The following IGFL3 variants were observed in gnomAD, a reference collection of about 807,000 sequenced individuals.
The protein encoded by IGFL3 is IGF like family member 3.
IGFL3 carries 12 observed loss-of-function variants against 17.0 expected under a neutral mutation model. That is an observed-to-expected ratio of 0.71 (90% CI 0.45 to 1.14). The LOEUF (loss-of-function observed/expected upper bound fraction) is 1.14, where lower values mean the gene tolerates loss of function less well. IGFL3 is among the 50% of genes most tolerant of loss of function. The pLI is 0.00. For missense variants in IGFL3, 153 were observed against 151.6 expected (o/e 1.01, Z -0.05); for synonymous variants, 52 against 57.4 (o/e 0.91, Z 0.42).
intron 3 of IGFL3, among the ~76,000 whole-genome samples, chr19:46,120,979 A>G (rs1485591335): frequency 6.6e-6 from 1 of 150,826 alleles, no homozygotes; most frequent in Non-Finnish European, 1.5e-5. Context: ...AAGAAGCCTT[A>G]GGTTTATTTT....
Position 46,124,037 on chromosome 19 carries a change from G to T in IGFL3, c.199C>A (p.Arg67Ser). The change falls in exon 3 of 4, where the codon CGC (arginine) becomes AGC (serine). Residue 67 changes from arginine (R) to serine (S), a missense_variant. Physicochemically the swap from Arg to Ser is moderately radical, Grantham distance 110. Coordinates refer to ENST00000341415, the MANE Select transcript of IGFL3 (RefSeq NM_207393.2). ...AAGGTGCAGGTGGAGCCACAGCGGCGGGTCTCCTTTAAGGATAAGATGGCA... is the reference window on the plus strand; with the variant it reads ...AAGGTGCAGGTGGAGCCACAGCGGCTGGTCTCCTTTAAGGATAAGATGGCA... ...DDAILSLKET[R>S]RCGSTCTFWP... The T allele has an allele frequency of 6.2e-7, 1 of 1,611,488 alleles. No homozygotes were observed. Among genetic ancestry groups the T allele is most frequent in the South Asian group, 1.1e-5 (1 of 90,888 alleles).
At chr19:46,124,509 G>A (rs1971982317) in intron 1 of IGFL3, 116 bp downstream of exon 1, 4 of 1,196,796 alleles carry the variant, frequency 3.3e-6, no homozygotes, top group African/African-American at 1.5e-5. Flanking sequence ...GAGGTGACTA[G>A]TAGGGCACAG....
intron 1 of IGFL3, 54 bp from the exon 2 acceptor site, chr19:46,124,375 G>GA (rs1457306182): frequency 1.9e-5 from 29 of 1,538,314 alleles, no homozygotes; most frequent in Non-Finnish European, 2.5e-5. Flanking sequence ...GACAAGTATG[G>GA]AAAAAACAAA....
chr19:46,120,665 A>G (rs1039728932), intron 3 of IGFL3, among the ~76,000 whole-genome samples: 1 of 151,108 alleles, frequency 6.6e-6, no homozygotes, highest in Non-Finnish European at 1.5e-5. Flanking sequence ...ACCAATACAG[A>G]GATATCAGAA....
chr19:46,123,634 T>A (rs1381522254), intron 3 of IGFL3, among the ~76,000 whole-genome samples: 1 of 150,994 alleles, frequency 6.6e-6, no homozygotes, highest in East Asian at 2.0e-4. Context: ...TGCATTTTTC[T>A]ACCAGCTGAG....
chr19:46,120,440 A>G (rs1971696508), intron 3 of IGFL3, 83 bp from the exon 4 acceptor site: 2 of 1,586,786 alleles, frequency 1.3e-6, no homozygotes, highest in Non-Finnish European at 1.7e-6. Flanking sequence ...AATTTTAACA[A>G]ACTTGACTTT....
At chr19:46,121,245 A>G (rs2146711583) in intron 3 of IGFL3, among the ~76,000 whole-genome samples, 1 of 148,756 alleles carries the variant, frequency 6.7e-6, no homozygotes, top group Middle Eastern at 3.5e-3. Flanking sequence ...AAAGTTAGCC[A>G]GATGTGGTGG....
At chr19:46,121,553 G>A (rs1971770045) in intron 3 of IGFL3, among the ~76,000 whole-genome samples, 1 of 150,316 alleles carries the variant, frequency 6.7e-6, no homozygotes. Context: ...GAAAAATTGA[G>A]GAATTATGAG....
At chr19:46,121,067 A>G (rs1227974408) in intron 3 of IGFL3, among the ~76,000 whole-genome samples, 2 of 150,448 alleles carry the variant, frequency 1.3e-5, no homozygotes, top group Admixed American at 1.3e-4. Context: ...GAACATGTAC[A>G]TTTTTCAGCG....
intron 3 of IGFL3, among the ~76,000 whole-genome samples, chr19:46,122,148 A>G (rs866197611): frequency 2.6e-5 from 4 of 150,986 alleles, no homozygotes; most frequent in South Asian, 2.1e-4. Flanking sequence ...GAAGCCCTCA[A>G]AATAAAAAGT....
Position 46,120,195 on chromosome 19 carries a change from T to A in IGFL3, c.*135A>T. The A allele has an allele frequency of 7.7e-7, 1 of 1,302,350 alleles. No homozygotes were observed. Among genetic ancestry groups the A allele is most frequent in the Non-Finnish European group, 1.0e-6 (1 of 964,666 alleles). The allele number at this position is 1,302,350 out of a possible 1,614,324, so 80.7% of individuals were successfully genotyped here. ...GTCTGGCCATCCCCAGCTGGGCTCC[T>A]CTCCAAAGCTATGTCATTGAGCCAT... On this transcript the variant is annotated 3_prime_UTR_variant, in exon 4 of 4. Coordinates refer to ENST00000341415, the MANE Select transcript of IGFL3 (RefSeq NM_207393.2).
intron 3 of IGFL3, among the ~76,000 whole-genome samples, chr19:46,121,932 C>T (rs1194722649): frequency 1.3e-5 from 2 of 150,880 alleles, no homozygotes; most frequent in African/African-American, 4.9e-5. Context: ...TTTAACTTGG[C>T]TTTTACTGCA....
In IGFL3 at chr19:46,120,252, T is replaced by G; in HGVS notation, c.*78A>C. On this transcript the variant is annotated 3_prime_UTR_variant, in exon 4 of 4. Transcript: ENST00000341415. ...GAAGTCAAGTTGCTTCTCTCCGAAG[T>G]TCAACTGTAGTCTCCGATGTCCAGC... 6.3e-7 allele frequency: 1 copy of G among 1,598,088 alleles called. No individual in the cohort carries two copies.
At position 46,122,762 on chromosome 19, in the gene IGFL3, A is replaced by C. The variant is rs1233155025; in HGVS notation, c.350+1124T>G. 1.3e-5 allele frequency among the ~76,000 whole-genome samples: 2 copies of C among 150,948 alleles called. 1 individual carries two copies. Among genetic ancestry groups the C allele is most frequent in the African/African-American group, 4.9e-5 (2 of 40,632 alleles). On this transcript the variant is annotated intron_variant, in intron 3 of 3. Transcript: ENST00000341415. Reference sequence around the variant, plus strand: ...TTACATTACACGTATTACCTCTTAAAACCCCCAACAGAATAAAGTCTTAGC... The same window carrying C: ...TTACATTACACGTATTACCTCTTAACACCCCCAACAGAATAAAGTCTTAGC...
intron 3 of IGFL3, among the ~76,000 whole-genome samples, chr19:46,120,597 A>G (rs1164324672): frequency 6.6e-6 from 1 of 150,924 alleles, no homozygotes; most frequent in Non-Finnish European, 1.5e-5. Context: ...TCAAAATGCC[A>G]GATAAAGAAT....
chr19:46,122,975 A>G (rs1439877929), intron 3 of IGFL3, among the ~76,000 whole-genome samples: 1 of 150,892 alleles, frequency 6.6e-6, no homozygotes, highest in Non-Finnish European at 1.5e-5. Context: ...CAGGGTAAAA[A>G]AAATGACATT....
chr19:46,124,403 G>T (rs1971975286), intron 1 of IGFL3, 82 bp from the exon 2 acceptor site: 10 of 1,427,482 alleles, frequency 7.0e-6, no homozygotes, highest in Non-Finnish European at 9.8e-6. Context: ...ACAAACAGAG[G>T]TTAGGGTGGT....
rs895186369 is a variant in IGFL3, at chr19:46,124,641, T to A, written c.9A>T (p.Pro3=). 2.5e-6 allele frequency: 4 copies of A among 1,609,230 alleles called. 1 individual carries two copies. In the African/African-American group the frequency reaches 5.4e-5, roughly 22 times the overall value. ...CCTACTTGCCCAAGATGCAGCATCG[T>A]GGCCTCATGCTTCCAAAGATGCTCT... MR[P]RCCILALVCW... is the part of the protein sequence containing the mutation. Residue 3 remains proline, a synonymous_variant, in exon 1 of 4, where the codon CCA becomes CCT. Transcript: ENST00000341415.
chr19:46,120,765 A>C (rs1456546730), intron 3 of IGFL3, among the ~76,000 whole-genome samples: 1 of 150,930 alleles, frequency 6.6e-6, no homozygotes, highest in Non-Finnish European at 1.5e-5. Context: ...CATGATGCAT[A>C]TAGTAAAAAA....
Sources: gnomAD v4.1 joint callset for allele counts (sites outside exome capture counted in the v4.1 genomes callset) on GRCh38, gnomAD v4.1.1 for gene constraint, MANE v1.5 for transcripts, NCBI Gene and HGNC (gene_info 2026-07-23, HGNC 2026-07-21) for gene names.